INPP5K: variants seen among roughly 807,000 people sequenced by gnomAD.
The protein encoded by INPP5K is inositol polyphosphate-5-phosphatase K, also known as inositol polyphosphate 5-phosphatase K.
INPP5K carries 35 observed loss-of-function variants against 53.5 expected under a neutral mutation model. That is an observed-to-expected ratio of 0.65 (90% CI 0.50 to 0.87). The LOEUF is 0.87. Ranked by LOEUF, INPP5K falls within the 40% of genes least tolerant of loss-of-function variation. The pLI is 0.00. For missense variants in INPP5K, 550 were observed against 586.2 expected (o/e 0.94, Z 0.64); for synonymous variants, 253 against 232.8 (o/e 1.09, Z -0.79).
Position 1,500,396 on chromosome 17 carries a change from G to A in INPP5K, c.777-2274C>T, listed in dbSNP as rs558713386. Among the ~76,000 whole-genome samples the A allele has an allele frequency of 6.0e-5, 9 of 149,036 alleles. No homozygotes were observed. In the South Asian group the frequency reaches 1.1e-3, roughly 18 times the overall value. On this transcript the variant is annotated intron_variant, in intron 7 of 11. Transcript: ENST00000421807. Reference sequence around the variant, plus strand: ...TTTTTTTTTTTTGAGACGGAGTCTCGCTCTGTTGCCCAGGCTGGAGTGCAC... The same window carrying A: ...TTTTTTTTTTTTGAGACGGAGTCTCACTCTGTTGCCCAGGCTGGAGTGCAC...
chr17:1,508,480 T>C, intron 5 of INPP5K: 1 of 480,584 alleles, frequency 2.1e-6, no homozygotes, highest in African/African-American at 2.0e-5. Flanking sequence ...CTTCCTCTCC[T>C]TAACTGGTCA....
At position 1,507,128 on chromosome 17, in the gene INPP5K, C is replaced by G. The variant is rs200437923; in HGVS notation, c.667-39G>C. 5 of 1,520,136 alleles carry G rather than the reference C, an allele frequency of 3.3e-6. 1 individual carries two copies. Among genetic ancestry groups the G allele is most frequent in the Non-Finnish European group, 4.6e-6 (5 of 1,096,230 alleles). The allele number at this position is 1,520,136 out of a possible 1,614,324, so 94.2% of individuals were successfully genotyped here. A position where few individuals can be genotyped will look rare whatever the true frequency, so the allele number is the denominator to read the frequency against. On this transcript the variant is annotated intron_variant, in intron 6 of 11. Coordinates refer to ENST00000421807, the MANE Select transcript of INPP5K (RefSeq NM_016532.4). ...CATAGTCCCCGTCTCCCAGTAGTCTCGACCCAGTGGCCCAGTACCACACTC... is the reference window on the plus strand; with the variant it reads ...CATAGTCCCCGTCTCCCAGTAGTCTGGACCCAGTGGCCCAGTACCACACTC...
chr17:1,511,987 G>A (rs902766428), intron 3 of INPP5K, among the ~76,000 whole-genome samples: 4 of 152,162 alleles, frequency 2.6e-5, no homozygotes, highest in Admixed American at 1.3e-4. Context: ...TAGGAGGAGC[G>A]AAGAAAGGAC....
chr17:1,495,760 C>A lies in INPP5K; in HGVS notation c.*63G>T, dbSNP rs981029293. On this transcript the variant is annotated 3_prime_UTR_variant, in exon 12 of 12. Transcript: ENST00000421807. ...CAGGCTGGGCCCCCAGCACTCCCGG[C>A]AGTGGAAAGGCAGAGCTGGCTGCCA... is the stretch of plus-strand genomic sequence containing the variant. The A allele has an allele frequency of 1.6e-6, 2 of 1,256,022 alleles. No homozygotes were observed. Among genetic ancestry groups the A allele is most frequent in the South Asian group, 2.5e-5 (2 of 81,368 alleles). 77.8% of individuals were successfully genotyped at this position (1,256,022 alleles called of 1,614,324 possible).
At chr17:1,499,493 C>CA (rs1006149955) in intron 7 of INPP5K, among the ~76,000 whole-genome samples, 9 of 150,438 alleles carry the variant, frequency 6.0e-5, no homozygotes, top group African/African-American at 1.5e-4. Flanking sequence ...ACTCTATCTC[C>CA]AAAAAAAAAG....
chr17:1,507,372 A>T, intron 6 of INPP5K: 1 of 412,288 alleles, frequency 2.4e-6, no homozygotes, highest in South Asian at 4.5e-5. Flanking sequence ...TCTAGGGGAG[A>T]TCACTAGCAG....
chr17:1,498,282 GCAGGAAGGTGCCTAA>G, intron 7 of INPP5K, 160 bp from the exon 8 acceptor site: 1 of 561,658 alleles, frequency 1.8e-6, no homozygotes, highest in East Asian at 2.8e-5. Flanking sequence ...AAGGCAGCAG[GCAGGAAGGTGCCTAA>G]CAGAATCCAA....
At chr17:1,511,831 C>T (rs930283437) in intron 3 of INPP5K, among the ~76,000 whole-genome samples, 1 of 146,106 alleles carries the variant, frequency 6.8e-6, no homozygotes, top group African/African-American at 2.5e-5. Context: ...ACCACAAAGA[C>T]ACTGGCTCGC....
chr17:1,511,392 T>A (rs2075304376), intron 3 of INPP5K, among the ~76,000 whole-genome samples: 1 of 152,014 alleles, frequency 6.6e-6, no homozygotes, highest in African/African-American at 2.4e-5. Flanking sequence ...CCCTCTCAGG[T>A]TCAGGCTGTC....
chr17:1,496,578 G>C (rs1258481397), intron 9 of INPP5K, 88 bp downstream of exon 9: 2 of 1,545,586 alleles, frequency 1.3e-6, no homozygotes, highest in Non-Finnish European at 8.9e-7. Context: ...GGGTGAGTTC[G>C]TCAGCATCTG....
chr17:1,502,323 T>C (rs1294938108), intron 7 of INPP5K, among the ~76,000 whole-genome samples: 2 of 152,256 alleles, frequency 1.3e-5, no homozygotes, highest in African/African-American at 2.4e-5. Flanking sequence ...CACTCCAGCC[T>C]GGGCGACAGA....
chr17:1,508,731 AGCGTGGG>A (rs1433357209), intron 5 of INPP5K, among the ~76,000 whole-genome samples: 11 of 149,252 alleles, frequency 7.4e-5, no homozygotes, highest in African/African-American at 2.8e-4. Context: ...GGCTTGGGTT[AGCGTGGG>A]GCAGAGGGCG....
rs140314189 is a variant in INPP5K at position 1,506,002 on chromosome 17, C to T, written c.776+978G>A. 2.1e-4 allele frequency among the ~76,000 whole-genome samples: 32 copies of T among 152,204 alleles called. No homozygotes were observed. The East Asian group carries it at 5.2e-3, about 25-fold the overall frequency. On this transcript the variant is annotated intron_variant, in intron 7 of 11. Transcript: ENST00000421807. ...AGAAAGGTTTTTAGTAAATCTATCA[C>T]GGGAAGACATGAATCTATTTATTTT... is the stretch of plus-strand genomic sequence containing the variant.
At chr17:1,506,457 C>T (rs577049358) in intron 7 of INPP5K, among the ~76,000 whole-genome samples, 18 of 152,338 alleles carry the variant, frequency 1.2e-4, no homozygotes, top group South Asian at 8.3e-4. Flanking sequence ...AAGGCCTAAA[C>T]GCTTTGGCTA....
At chr17:1,496,296 T>G in intron 10 of INPP5K, 23 bp downstream of exon 10, 1 of 1,551,690 alleles carries the variant, frequency 6.4e-7, no homozygotes, top group Non-Finnish European at 8.7e-7. Context: ...CTGCTGGTGA[T>G]GTACCTGGTG....
At chr17:1,515,499 G>A (rs761175193) in intron 1 of INPP5K, 219 of 985,454 alleles carry the variant, frequency 2.2e-4, no homozygotes, top group Non-Finnish European at 2.6e-4. Context: ...CACAGAGCGG[G>A]CAGGAGCTAC....
At chr17:1,516,199 C>T in intron 1 of INPP5K, 7 of 999,014 alleles carry the variant, frequency 7.0e-6, no homozygotes, top group Non-Finnish European at 8.2e-6. Context: ...CAAACAACCC[C>T]ACACGGCTGT....
chr17:1,497,487 C>G (rs1368119926), intron 8 of INPP5K, among the ~76,000 whole-genome samples: 1 of 152,056 alleles, frequency 6.6e-6, no homozygotes, highest in African/African-American at 2.4e-5. Context: ...CACACACACG[C>G]CAGTAAACCT....
intron 4 of INPP5K, 130 bp from the exon 5 acceptor site, chr17:1,509,483 C>T: frequency 2.1e-6 from 2 of 967,062 alleles, no homozygotes; most frequent in Non-Finnish European, 3.2e-6. Flanking sequence ...ACTAAGCTTC[C>T]CAGGGTGATC....
Sources: allele counts gnomAD v4.1 joint callset (sites outside exome capture counted in the v4.1 genomes callset), GRCh38; gene constraint gnomAD v4.1.1; transcripts MANE v1.5; gene names NCBI Gene and HGNC (gene_info 2026-07-23, HGNC 2026-07-21).